DOCK7: variants seen among roughly 807,000 people sequenced by gnomAD.
DOCK7 encodes dedicator of cytokinesis 7.
Under a neutral mutation model 271.0 loss-of-function variants are expected in DOCK7, and 138 were observed. The observed-to-expected ratio is 0.51, with a 90% CI of 0.44 to 0.59. The LOEUF (loss-of-function observed/expected upper bound fraction) is 0.59. Among genes scored for constraint, DOCK7 ranks in the 20% least tolerant of loss-of-function variants. The pLI is 0.00. For missense variants in DOCK7, 2,066 were observed against 2,592.4 expected, an observed-to-expected ratio of 0.80 and a Z score of 4.41; for synonymous variants, 823 against 876.1, an observed-to-expected ratio of 0.94 and a Z score of 1.07.
At chr1:62,618,342 A>C (rs545047800) in intron 14 of DOCK7, among the ~76,000 whole-genome samples, 1 of 152,304 alleles carries the variant, frequency 6.6e-6, no homozygotes, top group African/African-American at 2.4e-5. Flanking sequence ...TTAGGAGTTC[A>C]AATGTTTTAA....
intron 16 of DOCK7, among the ~76,000 whole-genome samples, chr1:62,582,537 G>C (rs1299527735): frequency 1.0e-5 from 1 of 97,794 alleles, no homozygotes; most frequent in African/African-American, 4.0e-5. Context: ...GGGACAGAGC[G>C]AGACTCCGTC....
intron 11 of DOCK7, among the ~76,000 whole-genome samples, chr1:62,630,782 T>C (rs944378472): frequency 1.2e-4 from 19 of 152,104 alleles, no homozygotes; most frequent in African/African-American, 4.3e-4. Flanking sequence ...GGTATGTGAA[T>C]TATATCTTAA....
chr1:62,550,881 T>C (rs1190044114), intron 22 of DOCK7, among the ~76,000 whole-genome samples: 1 of 151,928 alleles, frequency 6.6e-6, no homozygotes, highest in Non-Finnish European at 1.5e-5. Flanking sequence ...CCGCCGTGCC[T>C]GGCTAATTTT....
chr1:62,484,434 A>G (rs1344471051), intron 43 of DOCK7: 1 of 152,166 alleles, frequency 6.6e-6, no homozygotes, highest in Non-Finnish European at 1.5e-5. Flanking sequence ...TTAAACTTGT[A>G]TTAGTGTACT....
At chr1:62,581,106 C>T (rs1647105386) in intron 16 of DOCK7, among the ~76,000 whole-genome samples, 2 of 152,076 alleles carry the variant, frequency 1.3e-5, no homozygotes, top group Non-Finnish European at 2.9e-5. Flanking sequence ...TGGTATACAG[C>T]ATATAGGGTT....
At chr1:62,465,003 T>C (rs1200916015) in intron 48 of DOCK7, among the ~76,000 whole-genome samples, 2 of 152,138 alleles carry the variant, frequency 1.3e-5, no homozygotes, top group African/African-American at 2.4e-5. Flanking sequence ...TATACAAAAC[T>C]TACCCACATA....
intron 22 of DOCK7, among the ~76,000 whole-genome samples, chr1:62,546,303 A>G (rs1645705689): frequency 6.6e-6 from 1 of 152,154 alleles, no homozygotes; most frequent in Admixed American, 6.5e-5. Flanking sequence ...GAAAAGAAAG[A>G]AAAACCGCAA....
At chr1:62,490,228 G>T (rs1038371428) in intron 41 of DOCK7, among the ~76,000 whole-genome samples, 1 of 151,622 alleles carries the variant, frequency 6.6e-6, no homozygotes, top group African/African-American at 2.4e-5. Context: ...TCACCACCAT[G>T]CCCAGCTAAT....
Position 62,496,384 on chromosome 1 carries a change from A to G in DOCK7, c.4878T>C (p.Tyr1626=). 1 of 1,613,628 alleles carries G rather than the reference A, an allele frequency of 6.2e-7. No homozygotes were observed. Among genetic ancestry groups the G allele is most frequent in the East Asian group, 2.2e-5 (1 of 44,780 alleles). Residue 1626 remains tyrosine (Y), a synonymous_variant, in exon 38 of 50, where the codon TAT becomes TAC. Coordinates refer to ENST00000635253, the MANE Select transcript of DOCK7 (RefSeq NM_001367561.1). The stretch of plus-strand genomic sequence containing the variant: ...CCCTCAATTCCAGATCTTCTTCAGC[A>G]TATGTCAATATAGTCTTTAGAGAAC... ...LRRSLKTILT[Y]AEEDLELRET...
rs1372609390 is a variant in DOCK7 at position 62,568,276 on chromosome 1, T to C, written c.2113-6573A>G. ...GTGTTAACAGGGAAATTTATAGCAC[T>C]AAAATGCCCACATTAAAAAGCTAGA... On this transcript the variant is annotated intron_variant, in intron 18 of 49. Transcript: ENST00000635253. Among the ~76,000 whole-genome samples the C allele has an allele frequency of 2.0e-5, 3 of 151,672 alleles. No homozygotes were observed. The South Asian group carries it at 6.2e-4, about 31-fold the overall frequency.
At chr1:62,491,567 G>A (rs1228098769) in intron 41 of DOCK7, among the ~76,000 whole-genome samples, 1 of 152,342 alleles carries the variant, frequency 6.6e-6, no homozygotes, top group East Asian at 1.9e-4. Context: ...GTCAGGTAAA[G>A]GATTCAGGAT....
chr1:62,615,847 G>T (rs528865123), intron 14 of DOCK7, among the ~76,000 whole-genome samples: 13 of 151,754 alleles, frequency 8.6e-5, no homozygotes, highest in African/African-American at 2.9e-4. Flanking sequence ...TACGTTAAAT[G>T]ATCTCTCAAC....
chr1:62,582,544 C>T (rs1213630321), intron 16 of DOCK7, among the ~76,000 whole-genome samples: 3 of 80,846 alleles, frequency 3.7e-5, no homozygotes, highest in Non-Finnish European at 6.8e-5. Context: ...AGCGAGACTC[C>T]GTCTCAAAAA....
At chr1:62,590,011 G>T (rs1311055534) in intron 14 of DOCK7, among the ~76,000 whole-genome samples, 1 of 151,864 alleles carries the variant, frequency 6.6e-6, no homozygotes, top group African/African-American at 2.4e-5. Context: ...GACCGAAAGG[G>T]CACCCATACA....
chr1:62,523,327 C>T (rs552615017), intron 31 of DOCK7, among the ~76,000 whole-genome samples: 192 of 151,976 alleles, frequency 1.3e-3, no homozygotes, highest in African/African-American at 3.7e-3. Flanking sequence ...TTTTAATAAA[C>T]GGTGCTGAAA....
chr1:62,589,382 A>C (rs1487356396), intron 14 of DOCK7, among the ~76,000 whole-genome samples: 1 of 152,180 alleles, frequency 6.6e-6, no homozygotes, highest in Non-Finnish European at 1.5e-5. Flanking sequence ...CATCTTTGGC[A>C]AATGAAAAAA....
intron 48 of DOCK7, among the ~76,000 whole-genome samples, chr1:62,470,219 G>T (rs1419413633): frequency 6.6e-6 from 1 of 152,160 alleles, no homozygotes; most frequent in South Asian, 2.1e-4. Flanking sequence ...ACATACGATG[G>T]AATATTACTC....
intron 4 of DOCK7, among the ~76,000 whole-genome samples, chr1:62,648,946 GA>G (rs1657007107): frequency 6.6e-6 from 1 of 152,152 alleles, no homozygotes; most frequent in East Asian, 1.9e-4. Context: ...ATAAAGCACT[GA>G]ATCTTAAAAT....
At chr1:62,518,255 G>C (rs938389895) in intron 31 of DOCK7, among the ~76,000 whole-genome samples, 4 of 151,926 alleles carry the variant, frequency 2.6e-5, no homozygotes, top group Non-Finnish European at 4.4e-5. Flanking sequence ...GGCCAACATA[G>C]TGCAACTCAT....
Sources: gnomAD v4.1 joint callset for allele counts (sites outside exome capture counted in the v4.1 genomes callset) on GRCh38, gnomAD v4.1.1 for gene constraint, MANE v1.5 for transcripts, NCBI Gene and HGNC (gene_info 2026-07-23, HGNC 2026-07-21) for gene names.